NSD1: variants seen among roughly 807,000 people sequenced by gnomAD.
NSD1 encodes the protein nuclear receptor binding SET domain protein 1.
NSD1 carries 26 observed loss-of-function variants against 242.7 expected under a neutral mutation model. The observed-to-expected ratio is 0.11, with a 90% CI of 0.08 to 0.15. The LOEUF (loss-of-function observed/expected upper bound fraction) is 0.15, where lower values mean the gene tolerates loss of function less well. Among genes scored for constraint, NSD1 ranks in the 10% least tolerant of loss-of-function variants. The pLI, the probability that NSD1 is intolerant of heterozygous loss-of-function variation, is 1.00. For missense variants in NSD1, 2,495 were observed against 3,272.8 expected (o/e 0.76, Z 5.80); for synonymous variants, 1,106 against 1,178.1 (o/e 0.94, Z 1.25).
At chr5:177,241,397 C>T (rs1465155181) in intron 8 of NSD1, among the ~76,000 whole-genome samples, 2 of 151,202 alleles carry the variant, frequency 1.3e-5, no homozygotes, top group South Asian at 2.1e-4. Flanking sequence ...CCCAGCTACT[C>T]AGGAGGCTGA....
rs886060456 is a variant in NSD1 at position 177,299,982 on chromosome 5, C to T, written c.*4523C>T. ...AGGTCTTGGCAAAGAGGCAAGCTGA[C>T]GATAGACATCTACCTATATTGTTAA... On this transcript the variant is annotated 3_prime_UTR_variant, in exon 23 of 23. Coordinates refer to ENST00000439151, the MANE Select transcript of NSD1 (RefSeq NM_022455.5). 20 of 230,062 alleles carry T rather than the reference C, an allele frequency of 8.7e-5. No homozygotes were observed. The highest frequency in any genetic ancestry group is 1.3e-3 in the Middle Eastern group (1 of 776). 14.3% of individuals were successfully genotyped at this position (230,062 alleles called of 1,614,324 possible). A position where few individuals can be genotyped will look rare whatever the true frequency, so the allele number is the denominator to read the frequency against.
At chr5:177,262,217 C>T (rs1194627069) in intron 14 of NSD1, among the ~76,000 whole-genome samples, 1 of 152,160 alleles carries the variant, frequency 6.6e-6, no homozygotes, top group African/African-American at 2.4e-5. Flanking sequence ...TGATTTTCTT[C>T]TAAAAATTAT....
intron 4 of NSD1, among the ~76,000 whole-genome samples, chr5:177,207,250 G>C (rs988995346): frequency 1.4e-5 from 2 of 144,134 alleles, no homozygotes; most frequent in African/African-American, 5.2e-5. Context: ...GCCCGGCCTC[G>C]TTACCGTAAT....
intron 9 of NSD1, among the ~76,000 whole-genome samples, chr5:177,245,228 T>C (rs922399563): frequency 1.3e-5 from 2 of 152,206 alleles, no homozygotes; most frequent in Non-Finnish European, 2.9e-5. Context: ...TGCGAGACCA[T>C]GTCTCTTAAA....
intron 13 of NSD1, among the ~76,000 whole-genome samples, chr5:177,257,900 G>A (rs547956356): frequency 2.1e-5 from 3 of 145,540 alleles, no homozygotes; most frequent in African/African-American, 5.1e-5. Context: ...TCCTGACCTC[G>A]TGAGCCACTC....
intron 4 of NSD1, among the ~76,000 whole-genome samples, chr5:177,204,838 CATATTT>C (rs1257265593): frequency 6.6e-6 from 1 of 151,992 alleles, no homozygotes; most frequent in Non-Finnish European, 1.5e-5. Context: ...TAGCTTGTGA[CATATTT>C]ATACTAAATT....
intron 5 of NSD1, among the ~76,000 whole-genome samples, chr5:177,215,284 A>G (rs1038403025): frequency 2.0e-5 from 3 of 151,824 alleles, no homozygotes; most frequent in East Asian, 1.9e-4. Context: ...GGCTCAAGCA[A>G]TTCTGCCTCA....
chr5:177,233,767 TGTTCCTCCTTGAAAACTCTTCG>T (rs1451579148), intron 5 of NSD1, among the ~76,000 whole-genome samples: 2 of 152,152 alleles, frequency 1.3e-5, no homozygotes, highest in Non-Finnish European at 2.9e-5. Flanking sequence ...GGATGATGAC[TGTTCCTCCTTGAAAACTCTTCG>T]GCTCATCCTG....
At chr5:177,275,104 G>A (rs1758260975) in intron 17 of NSD1, among the ~76,000 whole-genome samples, 1 of 150,948 alleles carries the variant, frequency 6.6e-6, no homozygotes, top group South Asian at 2.1e-4. Flanking sequence ...TGAGAATCTA[G>A]TATGTTTAAG....
chr5:177,227,208 T>C (rs1337347746), intron 5 of NSD1, among the ~76,000 whole-genome samples: 3 of 152,164 alleles, frequency 2.0e-5, no homozygotes, highest in Non-Finnish European at 4.4e-5. Flanking sequence ...GTTTTGTAGA[T>C]GTTTGCAATT....
At chr5:177,149,726 C>G (rs1757550464) in intron 2 of NSD1, among the ~76,000 whole-genome samples, 1 of 152,086 alleles carries the variant, frequency 6.6e-6, no homozygotes, top group South Asian at 2.1e-4. Context: ...CAATAGGGTT[C>G]ATGATCCTCT....
intron 12 of NSD1, among the ~76,000 whole-genome samples, chr5:177,256,191 T>C (rs897938554): frequency 1.3e-5 from 2 of 152,044 alleles, no homozygotes; most frequent in African/African-American, 4.8e-5. Context: ...TTACCAGCAT[T>C]GTATGTCGGG....
chr5:177,254,136 C>T (rs1006905363), intron 12 of NSD1, among the ~76,000 whole-genome samples: 1 of 151,758 alleles, frequency 6.6e-6, no homozygotes, highest in Non-Finnish European at 1.5e-5. Flanking sequence ...TTAGTGGAGA[C>T]GGGGTTTCTC....
intron 2 of NSD1, among the ~76,000 whole-genome samples, chr5:177,147,006 CAA>C (rs61004413): frequency 2.5e-3 from 337 of 136,158 alleles, no homozygotes; most frequent in Middle Eastern, 7.5e-3. Flanking sequence ...GTCTCTGTCT[CAA>C]AAAAAAAAAA....
At chr5:177,203,091 C>T (rs1319827210) in intron 3 of NSD1, among the ~76,000 whole-genome samples, 2 of 151,948 alleles carry the variant, frequency 1.3e-5, no homozygotes, top group Non-Finnish European at 2.9e-5. Flanking sequence ...TATTTGGATT[C>T]TTTTCTGTGT....
chr5:177,189,524 G>A (rs1426705916), intron 2 of NSD1, among the ~76,000 whole-genome samples: 4 of 152,142 alleles, frequency 2.6e-5, no homozygotes. Context: ...ATGAGGTTTT[G>A]TTGTTATTGG....
chr5:177,269,539 G>C lies in NSD1; in HGVS notation c.5304-63G>C. On this transcript the variant is annotated intron_variant, in intron 15 of 22. Transcript: ENST00000439151. This position sits in a 1 kb window ranked among gnomAD's most constrained non-coding sequence, Gnocchi z 5.1. ...GCTAATCCTTACTTTTATATGAGTA[G>C]GTTATTTTCCTAATGCCTTGCAGCC... 3.5e-6 allele frequency: 5 copies of C among 1,421,442 alleles called. No homozygotes were observed. Among genetic ancestry groups the C allele is most frequent in the Non-Finnish European group, 5.0e-6 (5 of 1,008,556 alleles). 88.1% of individuals were successfully genotyped at this position (1,421,442 alleles called of 1,614,324 possible). A position where few individuals can be genotyped will look rare whatever the true frequency, so the allele number is the denominator to read the frequency against.
chr5:177,294,835 T>A lies in NSD1; in HGVS notation c.7467T>A (p.Ser2489Arg). ...ADEKMPVLES[S>R]SWPASKGLGH... ...AGAAGATGCCAGTGTTGGAGTCAAG[T>A]TCATGGCCTGCCAGCAAAGGTCTGG... Residue 2489 changes from serine (S) to arginine (R), a missense_variant, in exon 23 of 23, where the codon AGT becomes AGA. By Grantham distance (110) the Ser-to-Arg change is moderately radical. Coordinates refer to ENST00000439151, the MANE Select transcript of NSD1 (RefSeq NM_022455.5). The A allele has an allele frequency of 1.9e-6, 3 of 1,612,614 alleles. No individual in the cohort carries two copies. The highest frequency in any genetic ancestry group is 2.5e-6 in the Non-Finnish European group (3 of 1,179,988).
rs1276729255 is a variant in NSD1, at chr5:177,298,493, A to G, written c.*3034A>G. On this transcript the variant is annotated 3_prime_UTR_variant, in exon 23 of 23. Coordinates refer to ENST00000439151, the MANE Select transcript of NSD1 (RefSeq NM_022455.5). The stretch of plus-strand genomic sequence containing the variant: ...ATCTTGCTGGAGCCAACCCAGTCTA[A>G]TAGCAAAATAGCTGTCATTGATACA... 2 of 233,352 alleles carry G rather than the reference A, an allele frequency of 8.6e-6. No individual in the cohort carries two copies. The highest frequency in any genetic ancestry group is 4.4e-5 in the African/African-American group (2 of 45,494). 14.5% of individuals were successfully genotyped at this position (233,352 alleles called of 1,614,324 possible).
Sources: allele counts gnomAD v4.1 joint callset (sites outside exome capture counted in the v4.1 genomes callset), GRCh38; gene constraint gnomAD v4.1.1; non-coding constraint Gnocchi (gnomAD v3.1); transcripts MANE v1.5; gene names NCBI Gene and HGNC (gene_info 2026-07-23, HGNC 2026-07-21).